TMTC2: variants seen among roughly 807,000 people sequenced by gnomAD.
TMTC2 encodes the protein protein O-mannosyl-transferase TMTC2.
A neutral mutation model predicts 82.4 loss-of-function variants in TMTC2; 43 were observed. That is an observed-to-expected ratio of 0.52 (90% CI 0.41 to 0.67). The LOEUF (loss-of-function observed/expected upper bound fraction) is 0.67. Ranked by LOEUF, TMTC2 falls within the 30% of genes least tolerant of loss-of-function variation. TMTC2 has a pLI of 0.00. For synonymous variants in TMTC2, 408 were observed against 381.9 expected (o/e 1.07, Z -0.80); for missense variants, 919 against 1,012.4 (o/e 0.91, Z 1.25).
intron 11 of TMTC2, among the ~76,000 whole-genome samples, chr12:83,078,549 C>A (rs968214): frequency 6.6e-6 from 1 of 152,072 alleles, no homozygotes. Context: ...CTATTATTTT[C>A]TTAGATACCA....
At chr12:82,953,897 G>A (rs900583685) in intron 4 of TMTC2, among the ~76,000 whole-genome samples, 29 of 151,252 alleles carry the variant, frequency 1.9e-4, no homozygotes, top group Admixed American at 2.6e-4. Context: ...ACAATCAAAC[G>A]AAATGAAATT....
intron 11 of TMTC2, among the ~76,000 whole-genome samples, chr12:83,120,461 A>C (rs1424334760): frequency 6.6e-6 from 1 of 152,180 alleles, no homozygotes; most frequent in Non-Finnish European, 1.5e-5. Flanking sequence ...GTTTTGTTTG[A>C]GGAGGCTAAA....
At chr12:82,767,443 T>C (rs556580532) in intron 1 of TMTC2, among the ~76,000 whole-genome samples, 37 of 152,134 alleles carry the variant, frequency 2.4e-4, no homozygotes, top group Non-Finnish European at 3.7e-4. Flanking sequence ...TAAAATTAGC[T>C]GGGCGTTGTG....
At chr12:82,746,884 C>A (rs1003049377) in intron 1 of TMTC2, among the ~76,000 whole-genome samples, 6 of 152,150 alleles carry the variant, frequency 3.9e-5, no homozygotes, top group Admixed American at 2.6e-4. Context: ...GACAGTGGCT[C>A]CTGGATGGCA....
At chr12:83,123,965 T>C (rs993586067) in intron 11 of TMTC2, among the ~76,000 whole-genome samples, 31 of 152,324 alleles carry the variant, frequency 2.0e-4, no homozygotes, top group African/African-American at 6.5e-4. Context: ...TTTGGAGTAG[T>C]AGAATTTGTC....
At chr12:82,944,016 T>C (rs913890217) in intron 4 of TMTC2, among the ~76,000 whole-genome samples, 12 of 152,144 alleles carry the variant, frequency 7.9e-5, no homozygotes, top group Admixed American at 4.6e-4. Flanking sequence ...AGAGGAGTCA[T>C]ACTAGAAAGA....
intron 1 of TMTC2, among the ~76,000 whole-genome samples, chr12:82,803,682 A>G (rs1321529369): frequency 6.6e-6 from 1 of 152,094 alleles, no homozygotes; most frequent in Non-Finnish European, 1.5e-5. Context: ...CACACTGTGC[A>G]TGCTCACCTC....
At chr12:82,825,943 T>C (rs1054212900) in intron 1 of TMTC2, among the ~76,000 whole-genome samples, 12 of 151,822 alleles carry the variant, frequency 7.9e-5, no homozygotes, top group Non-Finnish European at 1.5e-4. Flanking sequence ...AAAGAGAGAG[T>C]ACACAAATTA....
chr12:82,819,796 G>A (rs1243190131), intron 1 of TMTC2, among the ~76,000 whole-genome samples: 2 of 151,986 alleles, frequency 1.3e-5, no homozygotes, highest in South Asian at 2.1e-4. Flanking sequence ...GTGAACCACC[G>A]TGCCCAGCCC....
At chr12:82,749,488 CTTTT>C (rs1480825982) in intron 1 of TMTC2, among the ~76,000 whole-genome samples, 1 of 151,930 alleles carries the variant, frequency 6.6e-6, no homozygotes, top group East Asian at 1.9e-4. Flanking sequence ...AGATTTGATG[CTTTT>C]TTGTTTTTTT....
At chr12:82,708,226 A>G (rs1195075064) in intron 1 of TMTC2, among the ~76,000 whole-genome samples, 2 of 152,226 alleles carry the variant, frequency 1.3e-5, no homozygotes, top group Non-Finnish European at 2.9e-5. Context: ...ATGGAAACAC[A>G]TAATTTTAAA....
chr12:82,712,716 G>T (rs1338063522), intron 1 of TMTC2, among the ~76,000 whole-genome samples: 2 of 152,132 alleles, frequency 1.3e-5, no homozygotes, highest in African/African-American at 2.4e-5. Context: ...AACCAGATAT[G>T]GAAAACACTG....
intron 1 of TMTC2, among the ~76,000 whole-genome samples, chr12:82,713,240 G>A (rs1320165108): frequency 1.3e-5 from 2 of 152,052 alleles, no homozygotes; most frequent in Non-Finnish European, 2.9e-5. Flanking sequence ...AGAATTGCCT[G>A]GGAGGTGGAG....
intron 1 of TMTC2, among the ~76,000 whole-genome samples, chr12:82,810,443 A>G (rs1340772087): frequency 1.3e-5 from 2 of 150,896 alleles, no homozygotes; most frequent in African/African-American, 4.8e-5. Context: ...TTTAAAATTA[A>G]AATAATTTTA....
intron 3 of TMTC2, among the ~76,000 whole-genome samples, chr12:82,901,652 T>C (rs1350146219): frequency 6.6e-6 from 1 of 152,136 alleles, no homozygotes; most frequent in African/African-American, 2.4e-5. Flanking sequence ...TTAGCATGTC[T>C]TGTACTTTTT....
chr12:82,951,414 C>T (rs1349697472), intron 4 of TMTC2, among the ~76,000 whole-genome samples: 1 of 152,162 alleles, frequency 6.6e-6, no homozygotes, highest in African/African-American at 2.4e-5. Flanking sequence ...CCTCAGCCTC[C>T]TGAATAGCTG....
intron 1 of TMTC2, among the ~76,000 whole-genome samples, chr12:82,785,443 G>A (rs1421699453): frequency 6.9e-6 from 1 of 145,092 alleles, no homozygotes; most frequent in Non-Finnish European, 1.5e-5. Context: ...TGGAATGTGA[G>A]AATGTAACTT....
At chr12:83,022,911 A>C (rs1880999771) in intron 8 of TMTC2, among the ~76,000 whole-genome samples, 1 of 152,230 alleles carries the variant, frequency 6.6e-6, no homozygotes, top group East Asian at 1.9e-4. Flanking sequence ...TTTTAGTAGA[A>C]ACATTGTATT....
Position 82,756,161 on chromosome 12 carries a change from T to G in TMTC2, c.83+68492T>G, listed in dbSNP as rs76321501. On this transcript the variant is annotated intron_variant, in intron 1 of 11. Transcript: ENST00000321196. ...GTTTTTATTTGGGTATGTTCTACTT[T>G]GTTTTTCTAACTTCTTGAGTTGGAT... Among the ~76,000 whole-genome samples, 693 of 152,358 alleles carry G rather than the reference T, an allele frequency of 4.5e-3. 5 individuals carry two copies. Among genetic ancestry groups the G allele is most frequent in the African/African-American group, 0.016 (666 of 41,596 alleles).
Sources: gnomAD v4.1 joint callset for allele counts (sites outside exome capture counted in the v4.1 genomes callset) on GRCh38, gnomAD v4.1.1 for gene constraint, MANE v1.5 for transcripts, NCBI Gene and HGNC (gene_info 2026-07-23, HGNC 2026-07-21) for gene names.